TMEM132B: variants seen among roughly 807,000 people sequenced by gnomAD.
TMEM132B encodes transmembrane protein 132B.
A neutral mutation model predicts 90.8 loss-of-function variants in TMEM132B; 18 were observed. The ratio of observed to expected loss-of-function variants is 0.20; its 90% CI spans 0.14 to 0.29. The LOEUF (loss-of-function observed/expected upper bound fraction) is 0.29, where lower values mean the gene tolerates loss of function less well. TMEM132B is among the 10% of genes least tolerant of loss of function. TMEM132B has a pLI of 1.00. For synonymous variants in TMEM132B, 504 were observed against 523.3 expected, an observed-to-expected ratio of 0.96 and a Z score of 0.50; for missense variants, 1,096 against 1,326.8, an observed-to-expected ratio of 0.83 and a Z score of 2.70.
At chr12:125,544,717 G>A (rs1884045864) in intron 4 of TMEM132B, among the ~76,000 whole-genome samples, 1 of 152,224 alleles carries the variant, frequency 6.6e-6, no homozygotes, top group South Asian at 2.1e-4. Context: ...AAGCCATATA[G>A]GATCAGAGTA....
At chr12:125,295,538 G>GAGAGAGAGACAGAGAC (rs1445138028) in intron 1 of TMEM132B, among the ~76,000 whole-genome samples, 1 of 148,942 alleles carries the variant, frequency 6.7e-6, no homozygotes, top group Middle Eastern at 3.2e-3. Flanking sequence ...GAGAGAGAGA[G>GAGAGAGAGACAGAGAC]AGAGACAGAG....
chr12:125,405,564 G>A (rs1162665612), intron 2 of TMEM132B, among the ~76,000 whole-genome samples: 1 of 152,160 alleles, frequency 6.6e-6, no homozygotes, highest in African/African-American at 2.4e-5. Context: ...GCAAAGCCAG[G>A]ACCTGAACCT....
In TMEM132B at chr12:125,459,557, G is replaced by A. The variant is rs1429013130; in HGVS notation, c.1106+43880G>A. On this transcript the variant is annotated intron_variant, in intron 3 of 8. Coordinates refer to ENST00000682704, the MANE Select transcript of TMEM132B (RefSeq NM_001366854.1). The surrounding 1 kb of genome is among the most constrained non-coding windows in gnomAD (Gnocchi z 4.1). Reference sequence around the variant, plus strand: ...GTAGGGTGTGGTGGGGATGTCTAATGGGTACAAAAAATATAGTTACAAAGA... The same window carrying A: ...GTAGGGTGTGGTGGGGATGTCTAATAGGTACAAAAAATATAGTTACAAAGA... Among the ~76,000 whole-genome samples the A allele has an allele frequency of 6.6e-6, 1 of 152,090 alleles. No homozygotes were observed. Among genetic ancestry groups the A allele is most frequent in the Non-Finnish European group, 1.5e-5 (1 of 68,026 alleles).
chr12:125,604,204 C>G (rs1416627041), intron 5 of TMEM132B, among the ~76,000 whole-genome samples: 1 of 152,162 alleles, frequency 6.6e-6, no homozygotes, highest in South Asian at 2.1e-4. Flanking sequence ...CCAAAATGCC[C>G]ATCAATGATA....
intron 1 of TMEM132B, among the ~76,000 whole-genome samples, chr12:125,268,917 C>T (rs1243724516): frequency 6.6e-6 from 1 of 152,248 alleles, no homozygotes; most frequent in African/African-American, 2.4e-5. Context: ...AGCACCGCAT[C>T]TTATTACCCC....
chr12:125,294,748 G>A (rs1281698597), intron 1 of TMEM132B, among the ~76,000 whole-genome samples: 1 of 152,226 alleles, frequency 6.6e-6, no homozygotes, highest in African/African-American at 2.4e-5. Flanking sequence ...GCTGGTCACA[G>A]TATACATGAT....
intron 5 of TMEM132B, among the ~76,000 whole-genome samples, chr12:125,632,893 G>A (rs1886398930): frequency 6.6e-6 from 1 of 151,820 alleles, no homozygotes; most frequent in Non-Finnish European, 1.5e-5. Flanking sequence ...AAATCTTCTT[G>A]GTGTTTTATA....
intron 4 of TMEM132B, among the ~76,000 whole-genome samples, chr12:125,566,011 C>T (rs1315341694): frequency 2.0e-5 from 3 of 152,196 alleles, no homozygotes; most frequent in African/African-American, 7.2e-5. Flanking sequence ...CTCTTCTAGG[C>T]AGCAGGAGTG....
chr12:125,533,138 A>G (rs2136701440), intron 4 of TMEM132B, among the ~76,000 whole-genome samples: 1 of 152,274 alleles, frequency 6.6e-6, no homozygotes, highest in Admixed American at 6.5e-5. Flanking sequence ...GACCTTCAAC[A>G]CAGTCCCCCT....
chr12:125,644,893 G>A (rs1886721924), intron 6 of TMEM132B, among the ~76,000 whole-genome samples: 1 of 152,136 alleles, frequency 6.6e-6, no homozygotes. Flanking sequence ...ATTACTGAAG[G>A]GTTGTCCCCA....
intron 3 of TMEM132B, among the ~76,000 whole-genome samples, chr12:125,481,269 GAGAA>G (rs1882035776): frequency 6.6e-6 from 1 of 152,198 alleles, no homozygotes; most frequent in Non-Finnish European, 1.5e-5. Flanking sequence ...AATCAGGCAA[GAGAA>G]AGAAAGAAAG....
chr12:125,389,931 C>T (rs1878960790), intron 2 of TMEM132B, among the ~76,000 whole-genome samples: 2 of 152,156 alleles, frequency 1.3e-5, no homozygotes. Context: ...GCACAGATTC[C>T]AATTGCATAG....
chr12:125,566,298 T>C (rs779877237), intron 4 of TMEM132B, among the ~76,000 whole-genome samples: 1 of 152,220 alleles, frequency 6.6e-6, no homozygotes, highest in Non-Finnish European at 1.5e-5. Flanking sequence ...TCCCGGACAA[T>C]TGGAAAATGA....
chr12:125,391,040 A>AGTGTGT (rs57083034), intron 2 of TMEM132B, among the ~76,000 whole-genome samples: 17 of 84,934 alleles, frequency 2.0e-4, no homozygotes, highest in African/African-American at 6.5e-4. Flanking sequence ...ACTAAAGAAT[A>AGTGTGT]GTGTGTGTGT....
intron 4 of TMEM132B, among the ~76,000 whole-genome samples, chr12:125,554,799 T>G (rs1442986131): frequency 1.3e-5 from 2 of 152,208 alleles, no homozygotes; most frequent in Non-Finnish European, 1.5e-5. Flanking sequence ...GTCAGCTGTT[T>G]CTTCTATGAC....
In TMEM132B at chr12:125,296,093, C is replaced by T. The variant is rs117985181; in HGVS notation, c.68-53359C>T. On this transcript the variant is annotated intron_variant, in intron 1 of 8. Transcript: ENST00000682704. ...AAGTCAGAGGGAGCCTTCTGATACC[C>T]GAGTCTGATCCTCTCCTTCCTCTGC... Among the ~76,000 whole-genome samples, 16 of 152,312 alleles carry T rather than the reference C, an allele frequency of 1.1e-4. No homozygotes were observed. In the East Asian group the frequency reaches 1.9e-3, roughly 18 times the overall value.
intron 1 of TMEM132B, among the ~76,000 whole-genome samples, chr12:125,306,812 A>G (rs1875982258): frequency 6.6e-6 from 1 of 152,208 alleles, no homozygotes; most frequent in Non-Finnish European, 1.5e-5. Context: ...AGTGATGTCC[A>G]TCTCATTCCA....
At chr12:125,337,589 T>A (rs1471692974) in intron 1 of TMEM132B, among the ~76,000 whole-genome samples, 3 of 152,204 alleles carry the variant, frequency 2.0e-5, no homozygotes, top group Non-Finnish European at 4.4e-5. Flanking sequence ...AGCAGCCATA[T>A]GCAATACGGT....
At chr12:125,433,811 A>G (rs1306296371) in intron 3 of TMEM132B, among the ~76,000 whole-genome samples, 1 of 152,100 alleles carries the variant, frequency 6.6e-6, no homozygotes, top group Non-Finnish European at 1.5e-5. Flanking sequence ...TGTATTTTCT[A>G]TCTTCTGCCT....
Sources: gnomAD v4.1 joint callset for allele counts (sites outside exome capture counted in the v4.1 genomes callset) on GRCh38, gnomAD v4.1.1 for gene constraint, Gnocchi (gnomAD v3.1) non-coding constraint, MANE v1.5 for transcripts, NCBI Gene and HGNC (gene_info 2026-07-23, HGNC 2026-07-21) for gene names.